The following RPS6KA6 variants were observed in gnomAD, a reference collection of about 807,000 sequenced individuals.
The protein encoded by RPS6KA6 is ribosomal protein S6 kinase A6, also known as ribosomal protein S6 kinase alpha-6.
Under a neutral mutation model 65.4 loss-of-function variants are expected in RPS6KA6, and 27 were observed. That is an observed-to-expected ratio of 0.41 (90% CI 0.30 to 0.57). The LOEUF is 0.57. Ranked by LOEUF, RPS6KA6 falls within the 20% of genes least tolerant of loss-of-function variation. The probability of loss-of-function intolerance (pLI) is 0.24; values close to 1 mark genes in which losing one functional copy is unlikely to be tolerated. For synonymous variants in RPS6KA6, 190 were observed against 184.2 expected, an observed-to-expected ratio of 1.03 and a Z score of -0.26; for missense variants, 486 against 555.6, an observed-to-expected ratio of 0.87 and a Z score of 1.26.
intron 8 of RPS6KA6, among the ~76,000 whole-genome samples, chrX:84,123,494 A>G (rs1258076425): frequency 8.9e-6 from 1 of 112,110 alleles, no homozygotes; most frequent in Non-Finnish European, 1.9e-5. Context: ...AGCATTCACC[A>G]CTTGTTGACT....
intron 20 of RPS6KA6, among the ~76,000 whole-genome samples, chrX:84,066,320 G>T (rs1267856279): frequency 1.9e-5 from 2 of 107,274 alleles, no homozygotes; most frequent in African/African-American, 6.8e-5. Context: ...TGCTCAGTGG[G>T]TCCCACTCCC....
chrX:84,111,638 G>T (rs193033725), intron 12 of RPS6KA6, among the ~76,000 whole-genome samples: 1 of 111,273 alleles, frequency 9.0e-6, no homozygotes, highest in African/African-American at 3.3e-5. Context: ...AAGAAAACAC[G>T]AGAGGAACTT....
Position 84,171,380 on chromosome X carries a change from T to C in RPS6KA6, c.82-6993A>G, listed in dbSNP as rs761466059. ...TAGGTAATACAATCAAAAGTGTCTA[T>C]GATCAAAAATTCTCCCCTGAAACAG... On this transcript the variant is annotated intron_variant, in intron 1 of 21. Transcript: ENST00000262752. Among the ~76,000 whole-genome samples the C allele has an allele frequency of 4.9e-3, 545 of 111,768 alleles. 1 individual carries two copies. The highest frequency in any genetic ancestry group is 0.014 in the Middle Eastern group (3 of 215).
intron 6 of RPS6KA6, among the ~76,000 whole-genome samples, chrX:84,144,835 C>T (rs1228772424): frequency 9.0e-6 from 1 of 110,643 alleles, no homozygotes; most frequent in African/African-American, 3.3e-5. Flanking sequence ...AGTAATACTA[C>T]CCATCAATAA....
chrX:84,066,951 T>C (rs1169015607), intron 20 of RPS6KA6, among the ~76,000 whole-genome samples: 1 of 111,840 alleles, frequency 8.9e-6, no homozygotes, highest in Non-Finnish European at 1.9e-5. Context: ...TTTGCTGTTC[T>C]GCAGCCTCCA....
At chrX:84,101,733 T>C (rs2034263210) in intron 18 of RPS6KA6, among the ~76,000 whole-genome samples, 1 of 110,500 alleles carries the variant, frequency 9.0e-6, no homozygotes, top group African/African-American at 3.3e-5. Context: ...GAATACATAA[T>C]ATATTGAAGC....
chrX:84,169,206 A>G (rs2035642000), intron 1 of RPS6KA6, among the ~76,000 whole-genome samples: 2 of 111,630 alleles, frequency 1.8e-5, no homozygotes, highest in Non-Finnish European at 3.8e-5. Flanking sequence ...CCAAGTGAAC[A>G]GACTCTCGTA....
chrX:84,126,997 A>G, intron 8 of RPS6KA6, among the ~76,000 whole-genome samples: 1 of 111,713 alleles, frequency 9.0e-6, no homozygotes, highest in Non-Finnish European at 1.9e-5. Flanking sequence ...GCAGAAATAA[A>G]TGAATTTTAA....
intron 1 of RPS6KA6, among the ~76,000 whole-genome samples, chrX:84,179,851 G>C (rs1313120543): frequency 1.8e-5 from 2 of 111,863 alleles, no homozygotes; most frequent in Non-Finnish European, 3.8e-5. Context: ...TGCCCATTAA[G>C]TTTGAAATGT....
At chrX:84,159,774 G>T (rs1337408826) in intron 2 of RPS6KA6, among the ~76,000 whole-genome samples, 4 of 110,773 alleles carry the variant, frequency 3.6e-5, no homozygotes, top group African/African-American at 9.8e-5. Context: ...CCTTAAAGAA[G>T]TAATTAAGGT....
At chrX:84,173,568 T>C (rs749718660) in intron 1 of RPS6KA6, among the ~76,000 whole-genome samples, 20 of 112,764 alleles carry the variant, frequency 1.8e-4, no homozygotes, top group South Asian at 7.3e-4. Flanking sequence ...GCTGCCTGTA[T>C]AGAGAATAAA....
At chrX:84,065,720 GTT>G (rs72416835) in intron 20 of RPS6KA6, among the ~76,000 whole-genome samples, 5,689 of 111,779 alleles carry the variant, frequency 0.051, 196 homozygotes, top group East Asian at 0.2. Context: ...CACAGGAAAA[GTT>G]TTCAATATAT....
intron 6 of RPS6KA6, among the ~76,000 whole-genome samples, chrX:84,144,518 G>T (rs2035164107): frequency 9.0e-6 from 1 of 111,036 alleles, no homozygotes; most frequent in Non-Finnish European, 1.9e-5. Context: ...TTAAAAGACT[G>T]ACCATACCAA....
chrX:84,065,245 ATACTC>A (rs765395321), intron 20 of RPS6KA6, 134 bp from the exon 21 acceptor site: 8 of 406,027 alleles, frequency 2.0e-5, no homozygotes, highest in African/African-American at 1.0e-4. Flanking sequence ...AGTAAAATCT[ATACTC>A]TACACAGTTA....
chrX:84,103,443 C>T (rs1328584627), intron 17 of RPS6KA6, among the ~76,000 whole-genome samples: 1 of 111,245 alleles, frequency 9.0e-6, no homozygotes, highest in Non-Finnish European at 1.9e-5. Flanking sequence ...CTCTCTATTT[C>T]ATGTAAGTTA....
intron 20 of RPS6KA6, among the ~76,000 whole-genome samples, chrX:84,071,102 GT>G (rs1414203915): frequency 9.0e-6 from 1 of 111,310 alleles, no homozygotes; most frequent in African/African-American, 3.3e-5. Context: ...AGCCTTGTGG[GT>G]TTGAACTGAG....
intron 8 of RPS6KA6, among the ~76,000 whole-genome samples, chrX:84,126,119 T>G (rs1357082173): frequency 9.0e-6 from 1 of 110,877 alleles, no homozygotes; most frequent in African/African-American, 3.3e-5. Flanking sequence ...ACTTCACCCA[T>G]AAAGATACAT....
chrX:84,092,476 G>A (rs1335103155), intron 20 of RPS6KA6, among the ~76,000 whole-genome samples: 2 of 109,851 alleles, frequency 1.8e-5, no homozygotes, highest in Non-Finnish European at 3.8e-5. Flanking sequence ...ACAAAAATTA[G>A]CTGGGTGTGG....
rs1268584009 is a variant in RPS6KA6 at position 84,058,967 on chromosome X, T to G, written c.*5310A>C. On this transcript the variant is annotated 3_prime_UTR_variant, in exon 22 of 22. Transcript: ENST00000262752. ...CAACTACCAACAGTACTTCCTGTTT[T>G]TTTTTTTTTTTATCAAACAGAAAAA... 9.2e-6 allele frequency: 1 copy of G among 109,037 alleles called. No individual in the cohort carries two copies. The highest frequency in any genetic ancestry group is 1.9e-5 in the Non-Finnish European group (1 of 52,506). The allele number at this position is 109,037 out of a possible 1,213,427, so 9.0% of individuals were successfully genotyped here. A position where few individuals can be genotyped will look rare whatever the true frequency, so the allele number is the denominator to read the frequency against.
Sources: gnomAD v4.1 joint callset for allele counts (sites outside exome capture counted in the v4.1 genomes callset) on GRCh38, gnomAD v4.1.1 for gene constraint, MANE v1.5 for transcripts, NCBI Gene and HGNC (gene_info 2026-07-23, HGNC 2026-07-21) for gene names.